The following LRPPRC variants were observed in gnomAD, a reference collection of about 807,000 sequenced individuals.
LRPPRC encodes leucine-rich PPR motif-containing protein, mitochondrial.
Under a neutral mutation model 180.3 loss-of-function variants are expected in LRPPRC, and 120 were observed. The observed-to-expected ratio is 0.67, with a 90% CI of 0.57 to 0.77. The LOEUF (loss-of-function observed/expected upper bound fraction) is 0.77, where lower values mean the gene tolerates loss of function less well. Ranked by LOEUF, LRPPRC falls within the 30% of genes least tolerant of loss-of-function variation. The probability of loss-of-function intolerance (pLI) is 0.00; values close to 1 mark genes in which losing one functional copy is unlikely to be tolerated. For synonymous variants in LRPPRC, 723 were observed against 600.0 expected (o/e 1.21, Z -3.00); for missense variants, 2,012 against 1,657.2 (o/e 1.21, Z -3.72).
intron 30 of LRPPRC, among the ~76,000 whole-genome samples, chr2:43,907,729 G>C (rs1252595353): frequency 6.6e-6 from 1 of 151,968 alleles, no homozygotes; most frequent in Non-Finnish European, 1.5e-5. Context: ...AAATTATAGG[G>C]GAAAAAGAGT....
intron 9 of LRPPRC, 115 bp from the exon 10 acceptor site, chr2:43,974,015 A>C (rs1387179507): frequency 3.5e-6 from 4 of 1,151,830 alleles, no homozygotes; most frequent in Non-Finnish European, 5.3e-6. Flanking sequence ...TCCTCTTTCT[A>C]CCCAAAAATC....
chr2:43,962,765 T>C (rs1050838595), intron 12 of LRPPRC, among the ~76,000 whole-genome samples: 2 of 152,128 alleles, frequency 1.3e-5, no homozygotes, highest in Admixed American at 1.3e-4. Context: ...ATATATACTA[T>C]TAGTGCATTT....
chr2:43,947,828 A>G, intron 18 of LRPPRC, 53 bp from the exon 19 acceptor site: 2 of 1,143,252 alleles, frequency 1.7e-6, no homozygotes, highest in Admixed American at 3.4e-5. Context: ...GTAAAAATAC[A>G]TCAGCAAACA....
At chr2:43,933,559 TC>T (rs1672164909) in intron 25 of LRPPRC, among the ~76,000 whole-genome samples, 1 of 152,224 alleles carries the variant, frequency 6.6e-6, no homozygotes, top group Non-Finnish European at 1.5e-5. Context: ...GTGAAATTAA[TC>T]ACAATTTGGA....
chr2:43,895,103 G>C (rs1336414796), intron 35 of LRPPRC, among the ~76,000 whole-genome samples: 2 of 152,166 alleles, frequency 1.3e-5, no homozygotes, highest in African/African-American at 4.8e-5. Context: ...GGAATATGCA[G>C]ACTCGGCTAT....
At chr2:43,896,022 G>C (rs1335757457) in intron 35 of LRPPRC, among the ~76,000 whole-genome samples, 18 of 151,650 alleles carry the variant, frequency 1.2e-4, no homozygotes, top group Non-Finnish European at 5.9e-5. Flanking sequence ...GAATTAATTT[G>C]TGGCTCCATA....
At chr2:43,920,677 T>C (rs1360026581) in intron 27 of LRPPRC, among the ~76,000 whole-genome samples, 1 of 123,246 alleles carries the variant, frequency 8.1e-6, no homozygotes, top group South Asian at 3.1e-4. Flanking sequence ...ATAAAACTTA[T>C]TTGATTTAAA....
chr2:43,944,339 G>A (rs1394886117), intron 22 of LRPPRC, among the ~76,000 whole-genome samples: 1 of 152,026 alleles, frequency 6.6e-6, no homozygotes, highest in African/African-American at 2.4e-5. Flanking sequence ...TTGCTATGTC[G>A]ATACTAATTA....
rs1672220273 is a variant in LRPPRC at position 43,934,853 on chromosome 2, C to T, written c.2530G>A (p.Val844Ile). ...EKGDLSTALE[V>I]AIDCYEKYKV... ...TACTTTTCATAGCAGTCAATGGCGACCTCAAGAGCAGTAGATAGGTCGCCC... is the reference window on the plus strand; with the variant it reads ...TACTTTTCATAGCAGTCAATGGCGATCTCAAGAGCAGTAGATAGGTCGCCC... Residue 844 changes from valine (V) to isoleucine (I), a missense_variant, in exon 24 of 38, where the codon GTC (valine) becomes ATC (isoleucine). Val to Ile is a conservative substitution (Grantham distance 29). Coordinates refer to ENST00000260665, the MANE Select transcript of LRPPRC (RefSeq NM_133259.4). 6.2e-7 allele frequency: 1 copy of T among 1,613,022 alleles called. No individual in the cohort carries two copies. The highest frequency in any genetic ancestry group is 1.7e-5 in the Admixed American group (1 of 59,990).
intron 23 of LRPPRC, among the ~76,000 whole-genome samples, chr2:43,936,463 G>A (rs530164541): frequency 2.6e-5 from 4 of 152,286 alleles, no homozygotes; most frequent in African/African-American, 9.6e-5. Flanking sequence ...TCTTTGTAGA[G>A]AATATAAATT....
At chr2:43,939,607 T>A (rs1202023853) in intron 23 of LRPPRC, among the ~76,000 whole-genome samples, 2 of 152,346 alleles carry the variant, frequency 1.3e-5, no homozygotes, top group Non-Finnish European at 2.9e-5. Context: ...AACCATCATC[T>A]TCACAAAAAT....
chr2:43,925,710 T>C (rs1671853085), intron 26 of LRPPRC, among the ~76,000 whole-genome samples, 183 bp downstream of exon 26: 1 of 152,166 alleles, frequency 6.6e-6, no homozygotes, highest in South Asian at 2.1e-4. Context: ...GTTAACAGTT[T>C]AGGGTTTCTA....
chr2:43,910,915 T>G (rs1256898208), intron 30 of LRPPRC, among the ~76,000 whole-genome samples: 1 of 152,166 alleles, frequency 6.6e-6, no homozygotes, highest in Non-Finnish European at 1.5e-5. Flanking sequence ...TTAAGTTTTC[T>G]GTCTTTGCTT....
rs374942907 is a variant in LRPPRC, at chr2:43,960,509, T to C, written c.1582+32A>G. The C allele has an allele frequency of 3.2e-5, 36 of 1,122,724 alleles. No individual in the cohort carries two copies. The African/African-American group carries it at 5.5e-4, about 17-fold the overall frequency. 69.5% of individuals were successfully genotyped at this position (1,122,724 alleles called of 1,614,324 possible). The stretch of plus-strand genomic sequence containing the variant: ...CTCAATAGTAACTGAAATAAACATC[T>C]ATCAAGTTTACCGCTAATGTTGTAT... On this transcript the variant is annotated intron_variant, in intron 13 of 37. Coordinates refer to ENST00000260665, the MANE Select transcript of LRPPRC (RefSeq NM_133259.4).
intron 11 of LRPPRC, among the ~76,000 whole-genome samples, chr2:43,970,005 C>T (rs1673733822): frequency 2.0e-5 from 3 of 152,212 alleles, no homozygotes; most frequent in South Asian, 4.1e-4. Flanking sequence ...GCAATAATAA[C>T]TTAATTTTTT....
At chr2:43,955,776 T>G (rs1408739439) in intron 14 of LRPPRC, among the ~76,000 whole-genome samples, 1 of 152,054 alleles carries the variant, frequency 6.6e-6, no homozygotes, top group African/African-American at 2.4e-5. Flanking sequence ...TACCAATAAC[T>G]GATTCAACAA....
chr2:43,959,778 G>C (rs1228452699), intron 13 of LRPPRC, among the ~76,000 whole-genome samples: 1 of 152,128 alleles, frequency 6.6e-6, no homozygotes, highest in Non-Finnish European at 1.5e-5. Context: ...CAGCTACTCG[G>C]GAGGCTGAGG....
chr2:43,960,578 T>C lies in LRPPRC; in HGVS notation c.1545A>G (p.Glu515=), dbSNP rs762413841. 1.4e-5 allele frequency: 23 copies of C among 1,606,154 alleles called. No individual in the cohort carries two copies. In the East Asian group the frequency reaches 4.7e-4, roughly 33 times the overall value. The change falls in exon 13 of 38, where the codon GAA becomes GAG. Residue 515 remains glutamate (E), a synonymous_variant. Transcript: ENST00000260665. ...DMFSQAGLRS[E]AANGNLDFVL... ...CAAAGTCTAAGTTCCCATTTGCTGC[T>C]TCACTTCTCAATCCAGCTTGAGAAA...
intron 30 of LRPPRC, among the ~76,000 whole-genome samples, chr2:43,909,414 T>A (rs1282211854): frequency 6.6e-6 from 1 of 151,828 alleles, no homozygotes; most frequent in Non-Finnish European, 1.5e-5. Flanking sequence ...AGAAGCAGAG[T>A]ATGATGGTAG....
Sources: gnomAD v4.1 joint callset for allele counts (sites outside exome capture counted in the v4.1 genomes callset) on GRCh38, gnomAD v4.1.1 for gene constraint, MANE v1.5 for transcripts, NCBI Gene and HGNC (gene_info 2026-07-23, HGNC 2026-07-21) for gene names.